The following RNF150 variants were observed in gnomAD, a reference collection of about 807,000 sequenced individuals.
RNF150 encodes the protein ring finger protein 150.
A neutral mutation model predicts 39.3 loss-of-function variants in RNF150; 24 were observed. The observed-to-expected ratio is 0.61, with a 90% CI of 0.44 to 0.86. The LOEUF (loss-of-function observed/expected upper bound fraction) is 0.86. Among genes scored for constraint, RNF150 ranks in the 40% least tolerant of loss-of-function variants. The pLI is 0.00. For synonymous variants in RNF150, 255 were observed against 227.3 expected (o/e 1.12, Z -1.10); for missense variants, 502 against 587.8 (o/e 0.85, Z 1.51).
intron 1 of RNF150, among the ~76,000 whole-genome samples, chr4:141,016,978 C>T (rs1472518779): frequency 1.3e-5 from 2 of 152,236 alleles, no homozygotes; most frequent in East Asian, 1.9e-4. Flanking sequence ...CAAAATCTCA[C>T]AATTGAAGGA....
chr4:140,997,145 G>C (rs1402948032), intron 1 of RNF150: 1 of 152,164 alleles, frequency 6.6e-6, no homozygotes, highest in Non-Finnish European at 1.5e-5. Context: ...AAGTGAGTGT[G>C]TGTATATACA....
intron 1 of RNF150, among the ~76,000 whole-genome samples, chr4:141,113,630 A>C (rs576841381): frequency 6.6e-6 from 1 of 152,208 alleles, no homozygotes; most frequent in South Asian, 2.1e-4. Flanking sequence ...AATTAACAAG[A>C]ATATTCAGAA....
chr4:140,911,137 A>C lies in RNF150; in HGVS notation c.1198+7T>G. ...GGCTATGTCACTTTAAGTATGGCAG[A>C]ACTCACTGTTAGTAGTAAAGATGAC... On this transcript the variant is annotated splice_region_variant and intron_variant, in intron 6 of 6. Coordinates refer to ENST00000515673, the MANE Select transcript of RNF150 (RefSeq NM_020724.2). The C allele has an allele frequency of 6.2e-7, 1 of 1,608,706 alleles. No homozygotes were observed. Among genetic ancestry groups the C allele is most frequent in the Non-Finnish European group, 8.5e-7 (1 of 1,175,060 alleles).
chr4:140,894,763 G>A (rs116831961), intron 6 of RNF150, among the ~76,000 whole-genome samples: 2,474 of 152,156 alleles, frequency 0.016, 75 homozygotes, highest in African/African-American at 0.056. Context: ...ATTTTTGTCC[G>A]GCCTGCAAAT....
chr4:140,951,065 T>A (rs947646027), intron 2 of RNF150, among the ~76,000 whole-genome samples: 2 of 152,124 alleles, frequency 1.3e-5, no homozygotes, highest in African/African-American at 4.8e-5. Flanking sequence ...CTTCTTCTGG[T>A]TATTATCTAT....
chr4:140,947,241 T>C (rs1179249597), intron 4 of RNF150, among the ~76,000 whole-genome samples: 1 of 152,172 alleles, frequency 6.6e-6, no homozygotes, highest in Non-Finnish European at 1.5e-5. Context: ...ATATTCTAAT[T>C]ACCACACTGT....
intron 1 of RNF150, among the ~76,000 whole-genome samples, chr4:141,006,155 A>G (rs1038401060): frequency 5.3e-5 from 8 of 151,804 alleles, no homozygotes; most frequent in Non-Finnish European, 1.2e-4. Context: ...TATAATTTGA[A>G]TTTCTATTTT....
chr4:141,109,183 A>G (rs1739308807), intron 1 of RNF150, among the ~76,000 whole-genome samples: 1 of 152,146 alleles, frequency 6.6e-6, no homozygotes, highest in Non-Finnish European at 1.5e-5. Context: ...TTTATTCCAA[A>G]TAATACAATA....
intron 1 of RNF150, among the ~76,000 whole-genome samples, chr4:141,053,051 G>A (rs1051830409): frequency 3.9e-5 from 6 of 151,962 alleles, no homozygotes; most frequent in Non-Finnish European, 8.8e-5. Flanking sequence ...TAAGGTTGTG[G>A]GTAGGAATAA....
chr4:141,074,075 G>A (rs1737806682), intron 1 of RNF150, among the ~76,000 whole-genome samples: 1 of 152,010 alleles, frequency 6.6e-6, no homozygotes, highest in South Asian at 2.1e-4. Flanking sequence ...CAATATATAT[G>A]GACCATGGTA....
intron 1 of RNF150, among the ~76,000 whole-genome samples, chr4:141,120,957 G>C (rs960446266): frequency 6.0e-5 from 9 of 149,366 alleles, no homozygotes; most frequent in African/African-American, 1.7e-4. Flanking sequence ...AGAGGTGACA[G>C]TGGCAGTCCA....
intron 1 of RNF150, among the ~76,000 whole-genome samples, chr4:141,168,771 A>G (rs1436942249): frequency 6.6e-6 from 1 of 152,102 alleles, no homozygotes; most frequent in African/African-American, 2.4e-5. Context: ...AGGGAGGGGA[A>G]CATCACACAC....
intron 1 of RNF150, among the ~76,000 whole-genome samples, chr4:141,168,918 A>C (rs954265916): frequency 6.6e-6 from 1 of 152,208 alleles, no homozygotes; most frequent in Non-Finnish European, 1.5e-5. Flanking sequence ...CGTTCTGCAC[A>C]TGTATCCCAG....
intron 1 of RNF150, among the ~76,000 whole-genome samples, chr4:140,985,372 A>G (rs1371126343): frequency 6.6e-6 from 1 of 152,162 alleles, no homozygotes; most frequent in Non-Finnish European, 1.5e-5. Flanking sequence ...GCCTATCTGA[A>G]GGGAGAGTCA....
At chr4:141,098,001 T>C (rs1262594461) in intron 1 of RNF150, among the ~76,000 whole-genome samples, 7 of 152,168 alleles carry the variant, frequency 4.6e-5, no homozygotes, top group Non-Finnish European at 8.8e-5. Context: ...CTTATGAAAA[T>C]CCCTTGTAGA....
chr4:141,041,489 CA>C (rs777003994), intron 1 of RNF150, among the ~76,000 whole-genome samples: 1 of 151,968 alleles, frequency 6.6e-6, no homozygotes, highest in Admixed American at 6.6e-5. Context: ...AAATCACACA[CA>C]AAAAAACTAT....
chr4:140,873,988 T>C (rs1729051623), intron 6 of RNF150, among the ~76,000 whole-genome samples: 1 of 152,186 alleles, frequency 6.6e-6, no homozygotes, highest in African/African-American at 2.4e-5. Flanking sequence ...AATGGAGCTT[T>C]GTGACCTACT....
rs554919505 is a variant in RNF150, at chr4:141,032,747, T to C, written c.485-64874A>G. On this transcript the variant is annotated intron_variant, in intron 1 of 6. Transcript: ENST00000515673. ...ACTGTGGATTCAGTAATAAGGTAAA[T>C]ATCACAATAAAGCAAGTCACACAAA... 7.2e-5 allele frequency among the ~76,000 whole-genome samples: 11 copies of C among 152,202 alleles called. No individual in the cohort carries two copies. The East Asian group carries it at 2.1e-3, about 29-fold the overall frequency.
chr4:141,204,392 C>A (rs1728341597), intron 1 of RNF150, among the ~76,000 whole-genome samples: 1 of 152,144 alleles, frequency 6.6e-6, no homozygotes, highest in African/African-American at 2.4e-5. Context: ...TATGATAATC[C>A]ACTCACCTTG....
Sources: allele counts gnomAD v4.1 joint callset (sites outside exome capture counted in the v4.1 genomes callset), GRCh38; gene constraint gnomAD v4.1.1; transcripts MANE v1.5; gene names NCBI Gene and HGNC (gene_info 2026-07-23, HGNC 2026-07-21).